The following LPGAT1 variants were observed in gnomAD, a reference collection of about 807,000 sequenced individuals.
LPGAT1 encodes the protein lysophosphatidylglycerol acyltransferase 1.
LPGAT1 carries 11 observed loss-of-function variants against 47.5 expected under a neutral mutation model. That is an observed-to-expected ratio of 0.23 (90% CI 0.15 to 0.38). LPGAT1 has a LOEUF of 0.38. Ranked by LOEUF, LPGAT1 falls within the 10% of genes least tolerant of loss-of-function variation. The pLI, the probability that LPGAT1 is intolerant of heterozygous loss-of-function variation, is 1.00. For missense variants in LPGAT1, 293 were observed against 439.0 expected, an observed-to-expected ratio of 0.67 and a Z score of 2.97; for synonymous variants, 138 against 144.2, an observed-to-expected ratio of 0.96 and a Z score of 0.31.
At chr1:211,769,040 G>A (rs1051567297) in intron 6 of LPGAT1, among the ~76,000 whole-genome samples, 1 of 152,124 alleles carries the variant, frequency 6.6e-6, no homozygotes, top group Non-Finnish European at 1.5e-5. Flanking sequence ...AGACTTCAGG[G>A]GTTTTTAGAT....
chr1:211,784,596 T>C (rs1334748450), intron 4 of LPGAT1, among the ~76,000 whole-genome samples: 1 of 151,922 alleles, frequency 6.6e-6, no homozygotes, highest in Admixed American at 6.6e-5. Context: ...ACAAGGGAAT[T>C]TGATGAGATT....
intron 6 of LPGAT1, among the ~76,000 whole-genome samples, 160 bp downstream of exon 6, chr1:211,778,758 T>C (rs552180295): frequency 6.6e-6 from 1 of 152,296 alleles, no homozygotes; most frequent in East Asian, 1.9e-4. Context: ...CTGAGCGAAA[T>C]ACCTACTTCA....
At chr1:211,824,210 A>G (rs544126431) in intron 2 of LPGAT1, among the ~76,000 whole-genome samples, 1 of 152,260 alleles carries the variant, frequency 6.6e-6, no homozygotes, top group East Asian at 1.9e-4. Flanking sequence ...CAGCCTGGCC[A>G]ACATGGTGAA....
chr1:211,822,290 T>G (rs1459733495), intron 2 of LPGAT1, among the ~76,000 whole-genome samples: 3 of 152,192 alleles, frequency 2.0e-5, no homozygotes, highest in African/African-American at 7.2e-5. Context: ...AATTATTCAA[T>G]TATAAACTAT....
rs114404955 is a variant in LPGAT1, at chr1:211,826,344, T to C, written c.238+2715A>G. Among the ~76,000 whole-genome samples, 923 of 152,310 alleles carry C rather than the reference T, an allele frequency of 6.1e-3. 8 individuals carry two copies. The highest frequency in any genetic ancestry group is 0.021 in the African/African-American group (889 of 41,552). The stretch of plus-strand genomic sequence containing the variant: ...AAGATTTTTTAATAAAAATAAAATT[T>C]AGTTTTCCTAAGAAAAGAAAACCAT... On this transcript the variant is annotated intron_variant, in intron 2 of 7. Transcript: ENST00000366997.
At position 211,829,250 on chromosome 1, in the gene LPGAT1, A is replaced by G. The variant is rs1481759580; in HGVS notation, c.47T>C (p.Val16Ala). Reference sequence around the variant, plus strand: ...GAAGGCAAACCTCATCAGTGCTTTCACCAAGAGCCAGCCCAGCCACGGAGC... The same window carrying G: ...GAAGGCAAACCTCATCAGTGCTTTCGCCAAGAGCCAGCCCAGCCACGGAGC... ...EEAPWLGWLL[V>A]KALMRFAFMV... The change falls in exon 2 of 8, where the codon GTG becomes GCG. Residue 16 changes from valine (V) to alanine (A), a missense_variant. Physicochemically the swap from Val to Ala is moderately conservative, Grantham distance 64 (BLOSUM62 0). Coordinates refer to ENST00000366997, the MANE Select transcript of LPGAT1 (RefSeq NM_014873.3). The G allele has an allele frequency of 6.2e-7, 1 of 1,614,232 alleles. No homozygotes were observed. Among genetic ancestry groups the G allele is most frequent in the East Asian group, 2.2e-5 (1 of 44,880 alleles).
intron 2 of LPGAT1, among the ~76,000 whole-genome samples, chr1:211,796,439 A>G (rs1043198048): frequency 2.0e-5 from 3 of 152,212 alleles, no homozygotes; most frequent in African/African-American, 7.2e-5. Flanking sequence ...CTACAAGCTG[A>G]GGGACACCAA....
chr1:211,774,607 A>G (rs1658319483), intron 6 of LPGAT1, among the ~76,000 whole-genome samples: 2 of 152,182 alleles, frequency 1.3e-5, no homozygotes, highest in Admixed American at 6.5e-5. Flanking sequence ...AAACACAGCA[A>G]TACTACCTAT....
At chr1:211,797,691 A>G (rs1441514482) in intron 2 of LPGAT1, among the ~76,000 whole-genome samples, 4 of 152,154 alleles carry the variant, frequency 2.6e-5, no homozygotes, top group Non-Finnish European at 4.4e-5. Context: ...AAATATAGTA[A>G]TAAAGCTAAT....
intron 6 of LPGAT1, among the ~76,000 whole-genome samples, chr1:211,767,818 G>A (rs1658005058): frequency 6.6e-6 from 1 of 152,046 alleles, no homozygotes; most frequent in Admixed American, 6.6e-5. Flanking sequence ...TTCTACTGGG[G>A]AAAAAATGAA....
intron 6 of LPGAT1, among the ~76,000 whole-genome samples, chr1:211,769,893 T>A (rs1054784414): frequency 2.0e-5 from 3 of 152,164 alleles, no homozygotes; most frequent in African/African-American, 7.2e-5. Context: ...TGACTTAGAA[T>A]GCCTTAACCA....
chr1:211,805,366 T>C (rs555074840), intron 2 of LPGAT1, among the ~76,000 whole-genome samples: 18 of 152,296 alleles, frequency 1.2e-4, no homozygotes, highest in Admixed American at 3.3e-4. Context: ...AATAAAGTGT[T>C]GAATATCTCA....
intron 2 of LPGAT1, among the ~76,000 whole-genome samples, chr1:211,809,583 G>A (rs1395895939): frequency 2.6e-5 from 4 of 152,208 alleles, no homozygotes; most frequent in Admixed American, 2.6e-4. Flanking sequence ...CCTGGTGGGA[G>A]GTAATTGAAT....
At position 211,744,768 on chromosome 1, in the gene LPGAT1, C is replaced by T. The variant is rs1349611331; in HGVS notation, c.*5131G>A. The T allele has an allele frequency of 6.6e-6, 1 of 151,888 alleles. No homozygotes were observed. Among genetic ancestry groups the T allele is most frequent in the East Asian group, 1.9e-4 (1 of 5,192 alleles). The allele number at this position is 151,888 out of a possible 1,614,324, so 9.4% of individuals were successfully genotyped here. ...GAAGAGTGAACTGCTAAACATTTAC[C>T]AGCACACCACTGGATTGGGAGAATG... On this transcript the variant is annotated 3_prime_UTR_variant, in exon 8 of 8. Coordinates refer to ENST00000366997, the MANE Select transcript of LPGAT1 (RefSeq NM_014873.3).
At chr1:211,758,841 T>TG (rs1657571892) in intron 6 of LPGAT1, among the ~76,000 whole-genome samples, 1 of 152,250 alleles carries the variant, frequency 6.6e-6, no homozygotes, top group African/African-American at 2.4e-5. Context: ...ATAGATACCA[T>TG]TAATCAGATT....
intron 2 of LPGAT1, among the ~76,000 whole-genome samples, chr1:211,804,950 A>G (rs1311936727): frequency 1.3e-5 from 2 of 152,244 alleles, no homozygotes; most frequent in Admixed American, 1.3e-4. Flanking sequence ...TGTAGAAGAC[A>G]TGAAGACTTT....
In LPGAT1 at chr1:211,785,047, C is replaced by CAG. The variant is rs1558267590; in HGVS notation, c.454-1546_454-1545insCT. ...CTCGATCTCCTGACCTTGTGATCTG[C>CAG]CCCCCTTGGCCTCCCAAAGTGCTGG... On this transcript the variant is annotated intron_variant, in intron 4 of 7. Coordinates refer to ENST00000366997, the MANE Select transcript of LPGAT1 (RefSeq NM_014873.3). 3.3e-5 allele frequency among the ~76,000 whole-genome samples: 5 copies of CAG among 152,196 alleles called. No individual in the cohort carries two copies. The East Asian group carries it at 7.7e-4, about 24-fold the overall frequency.
At chr1:211,754,647 C>T (rs1225110770) in intron 6 of LPGAT1, among the ~76,000 whole-genome samples, 1 of 152,178 alleles carries the variant, frequency 6.6e-6, no homozygotes, top group African/African-American at 2.4e-5. Context: ...GCCTCCATTG[C>T]TATTTTGGGT....
intron 2 of LPGAT1, among the ~76,000 whole-genome samples, chr1:211,825,789 A>G (rs889379070): frequency 1.3e-5 from 2 of 152,130 alleles, no homozygotes; most frequent in African/African-American, 4.8e-5. Flanking sequence ...TGAAACCCCC[A>G]TCTCTACTAA....
Sources: gnomAD v4.1 joint callset for allele counts (sites outside exome capture counted in the v4.1 genomes callset) on GRCh38, gnomAD v4.1.1 for gene constraint, MANE v1.5 for transcripts, NCBI Gene and HGNC (gene_info 2026-07-23, HGNC 2026-07-21) for gene names.